Variants in LTBP3 observed in about 807,000 individuals in gnomAD.
LTBP3 encodes latent transforming growth factor beta binding protein 3.
Under a neutral mutation model 159.7 loss-of-function variants are expected in LTBP3, and 97 were observed. The ratio of observed to expected loss-of-function variants is 0.61; its 90% confidence interval spans 0.52 to 0.72. The LOEUF (loss-of-function observed/expected upper bound fraction) is 0.72, where lower values mean the gene tolerates loss of function less well. Ranked by LOEUF, LTBP3 falls within the 30% of genes least tolerant of loss-of-function variation. The pLI is 0.00. For synonymous variants in LTBP3, 824 were observed against 777.1 expected, an observed-to-expected ratio of 1.06 and a Z score of -1.00; for missense variants, 1,584 against 1,864.3, an observed-to-expected ratio of 0.85 and a Z score of 2.77.
rs1018509969 is a variant in LTBP3 at position 65,543,021 on chromosome 11, A to G, written c.2596+84T>C. The G allele has an allele frequency of 2.5e-6, 4 of 1,570,186 alleles. No individual in the cohort carries two copies. The African/African-American group carries it at 4.1e-5, about 16-fold the overall frequency. On this transcript the variant is annotated intron_variant, in intron 18 of 27. Coordinates refer to ENST00000301873, the MANE Select transcript of LTBP3 (RefSeq NM_001130144.3). ...GAAGGATGGTTGGATGGGTGGATGGATGGATGGAGAAAGGCCACAGTGTGT... is the reference window on the plus strand; with the variant it reads ...GAAGGATGGTTGGATGGGTGGATGGGTGGATGGAGAAAGGCCACAGTGTGT...
chr11:65,556,493 A>G (rs1359211611), intron 1 of LTBP3, among the ~76,000 whole-genome samples: 1 of 152,154 alleles, frequency 6.6e-6, no homozygotes, highest in Non-Finnish European at 1.5e-5. Flanking sequence ...GCGCCATTGC[A>G]CTCCAGCCTG....
chr11:65,546,770 C>G lies in LTBP3; in HGVS notation c.2230+28G>C. The G allele has an allele frequency of 3.1e-6, 5 of 1,588,832 alleles. No homozygotes were observed. In the South Asian group the frequency reaches 4.4e-5, roughly 14 times the overall value. The stretch of plus-strand genomic sequence containing the variant: ...CTGGGGGAGGCACCTGACGGCCCCA[C>G]CCACTCGGCTCCGGGCCCCGCCCTC... On this transcript the variant is annotated intron_variant, in intron 15 of 27. Coordinates refer to ENST00000301873, the MANE Select transcript of LTBP3 (RefSeq NM_001130144.3). The surrounding 1 kb of genome is among the most constrained non-coding windows in gnomAD (Gnocchi z 4.0).
At chr11:65,541,326 C>T (rs1017500227) in intron 19 of LTBP3, 33 bp from the exon 20 acceptor site, 3 of 1,603,568 alleles carry the variant, frequency 1.9e-6, no homozygotes, top group Non-Finnish European at 2.5e-6. Context: ...GGGTTGTGCA[C>T]AGACCCCCCT....
chr11:65,551,558 G>A lies in LTBP3; in HGVS notation c.1538C>T (p.Thr513Ile), dbSNP rs1316389194. ...GGTTCTCATACTCACTGAGTCCGTGGTCACCCCTAAAAGGGAAGAAGATGG... is the reference window on the plus strand; with the variant it reads ...GGTTCTCATACTCACTGAGTCCGTGATCACCCCTAAAAGGGAAGAAGATGG... ...PEDTEEERGV[T>I]TDSPVSEERS... is the part of the protein sequence containing the mutation. Residue 513 changes from threonine (T) to isoleucine (I), a missense_variant, in exon 9 of 28, where the codon ACC becomes ATC. By Grantham distance (89) the Thr-to-Ile change is moderately conservative. Transcript: ENST00000301873. The A allele has an allele frequency of 1.2e-6, 2 of 1,614,000 alleles. No individual in the cohort carries two copies. Among genetic ancestry groups the A allele is most frequent in the South Asian group, 2.2e-5 (2 of 91,082 alleles).
intron 11 of LTBP3, among the ~76,000 whole-genome samples, chr11:65,549,567 C>CTTTTTTTT (rs748132211): frequency 2.2e-3 from 145 of 64,752 alleles, no homozygotes; most frequent in Middle Eastern, 0.038. Context: ...CCCAGCTAAT[C>CTTTTTTTT]TTTTTTTTTT....
chr11:65,540,618 C>G lies in LTBP3; in HGVS notation c.2978-4G>C, dbSNP rs1565089051. On this transcript the variant is annotated splice_polypyrimidine_tract_variant and splice_region_variant and intron_variant, in intron 21 of 27. Transcript: ENST00000301873. ...AACAACATGCACTCGTCGATGTCTG[C>G]GGGGTGACAAACACTGGCCGCTCCG... The G allele has an allele frequency of 8.1e-6, 13 of 1,598,482 alleles. No homozygotes were observed. In the South Asian group the frequency reaches 1.4e-4, roughly 18 times the overall value.
chr11:65,549,506 G>A (rs924133898), intron 11 of LTBP3, among the ~76,000 whole-genome samples: 1 of 149,600 alleles, frequency 6.7e-6, no homozygotes, highest in Non-Finnish European at 1.5e-5. Context: ...CTATCTCCCA[G>A]GTTCAAGTGA....
intron 1 of LTBP3, among the ~76,000 whole-genome samples, chr11:65,555,724 T>C (rs1302116994): frequency 6.6e-6 from 1 of 152,190 alleles, no homozygotes; most frequent in African/African-American, 2.4e-5. Flanking sequence ...CTTCAACCTG[T>C]GCTACTACCA....
chr11:65,555,236 C>G (rs956484283), intron 1 of LTBP3, among the ~76,000 whole-genome samples: 3 of 152,190 alleles, frequency 2.0e-5, no homozygotes, highest in Non-Finnish European at 4.4e-5. Context: ...TCTCAGTGTC[C>G]CAGAGAAACC....
Position 65,547,470 on chromosome 11 carries a change from C to T in LTBP3, c.2076G>A (p.Arg692=), listed in dbSNP as rs1201147520. The change falls in exon 14 of 28, where the codon CGG becomes CGA. Residue 692 remains arginine (R), a synonymous_variant. Coordinates refer to ENST00000301873, the MANE Select transcript of LTBP3 (RefSeq NM_001130144.3). The surrounding 1 kb of genome is among the most constrained non-coding windows in gnomAD (Gnocchi z 4.6). ...ACACAGGAGGCCGGGAGGCTTTGAG[C>T]CGGTAGCCGGGGTAGCAGTTGCACT... is the stretch of plus-strand genomic sequence containing the variant. ...HYKCNCYPGY[R]LKASRPPVCE... 6.2e-7 allele frequency: 1 copy of T among 1,613,916 alleles called. No individual in the cohort carries two copies. Among genetic ancestry groups the T allele is most frequent in the African/African-American group, 1.3e-5 (1 of 74,936 alleles).
At position 65,553,208 on chromosome 11, in the gene LTBP3, T is replaced by C. The variant is rs1219672249; in HGVS notation, c.1019A>G (p.Asp340Gly). Residue 340 changes from aspartate to glycine, a missense_variant, in exon 5 of 28, where the codon GAC (aspartate) becomes GGC (glycine). By Grantham distance (94) the Asp-to-Gly change is moderately conservative. This residue lies in a region of LTBP3 where 156 missense variants were observed against 259.7 expected (regional missense o/e 0.60). Transcript: ENST00000301873. The surrounding 1 kb of genome is among the most constrained non-coding windows in gnomAD (Gnocchi z 6.5). ...AAGCCTCTTGTAGCCCTGGGGACAG[T>C]CAGCGCCCACTTCCCCACGTACAGG... ...PGPVRGEVGA[D>G]CPQGYKRLNS... 6.2e-7 allele frequency: 1 copy of C among 1,614,120 alleles called. No homozygotes were observed. The highest frequency in any genetic ancestry group is 1.7e-5 in the Admixed American group (1 of 60,022).
chr11:65,540,757 T>TGCGG, intron 21 of LTBP3, 114 bp downstream of exon 21: 1 of 1,089,868 alleles, frequency 9.2e-7, no homozygotes, highest in Non-Finnish European at 1.2e-6. Context: ...GCGAGGAAGG[T>TGCGG]GCGGGCGGGG....
Position 65,553,107 on chromosome 11 carries a change from C to A in LTBP3, c.1063+57G>T. ...CTCGCCCACCTTGGGACCCTCCCCA[C>A]CCCCAGTGATGGCTGGCCTGCCCCT... On this transcript the variant is annotated intron_variant, in intron 5 of 27. Transcript: ENST00000301873. This position sits in a 1 kb window ranked among gnomAD's most constrained non-coding sequence, Gnocchi z 6.5. The A allele has an allele frequency of 2.5e-6, 4 of 1,604,316 alleles. No individual in the cohort carries two copies. The highest frequency in any genetic ancestry group is 1.3e-5 in the African/African-American group (1 of 74,806).
In LTBP3 at chr11:65,539,374, C is replaced by G; in HGVS notation, c.3714G>C (p.Glu1238Asp). 6.5e-7 allele frequency: 1 copy of G among 1,542,786 alleles called. No homozygotes were observed. Among genetic ancestry groups the G allele is most frequent in the Non-Finnish European group, 8.7e-7 (1 of 1,142,870 alleles). The stretch of plus-strand genomic sequence containing the variant: ...CGTCGAGCTGGAAGCCGCCGGGACA[C>G]TCGCACACGGCGCCGCCCGGCCGCG... The part of the protein sequence containing the change: ...CVPRPGGAVC[E>D]CPGGFQLDAS... Residue 1238 changes from glutamate to aspartate, a missense_variant, in exon 27 of 28, where the codon GAG (glutamate) becomes GAC (aspartate). This residue lies in a region of LTBP3 where 514 missense variants were observed against 530.3 expected (regional missense o/e 0.97). Transcript: ENST00000301873.
intron 8 of LTBP3, 188 bp downstream of exon 8, chr11:65,551,784 C>T (rs926730036): frequency 2.2e-6 from 2 of 912,254 alleles, no homozygotes; most frequent in Non-Finnish European, 1.8e-6. Context: ...CTGTAGAAGG[C>T]TTAGGAGGTT....
chr11:65,543,181 G>A lies in LTBP3; in HGVS notation c.2520C>T (p.Asp840=), dbSNP rs550465637. The A allele has an allele frequency of 6.2e-7, 1 of 1,614,124 alleles. No homozygotes were observed. The highest frequency in any genetic ancestry group is 2.2e-5 in the East Asian group (1 of 44,890). The change falls in exon 18 of 28, where the codon GAC becomes GAT. Residue 840 remains aspartate (D), a synonymous_variant. Coordinates refer to ENST00000301873, the MANE Select transcript of LTBP3 (RefSeq NM_001130144.3). ...TGTAGGAGCCATTGGTATTGATGCAGTCACCCCCAATGCAGGCTGCAGGGA... is the reference window on the plus strand; with the variant it reads ...TGTAGGAGCCATTGGTATTGATGCAATCACCCCCAATGCAGGCTGCAGGGA... ...CDFPAACIGG[D]CINTNGSYRC...
In LTBP3 at chr11:65,542,972, G is replaced by GGATGGATA. The variant is rs1491160099; in HGVS notation, c.2596+132_2596+133insTATCCATC. 2.8e-6 allele frequency: 3 copies of GGATGGATA among 1,088,820 alleles called. No individual in the cohort carries two copies. In the South Asian group the frequency reaches 3.8e-5, roughly 14 times the overall value. The allele number at this position is 1,088,820 out of a possible 1,614,324, so 67.4% of individuals were successfully genotyped here. ...TGGATGGATGGATGGATGGATGGAT[G>GGATGGATA]GATAGATGGATGGATGGATGGATGA... On this transcript the variant is annotated intron_variant, in intron 18 of 27. Transcript: ENST00000301873.
At position 65,554,951 on chromosome 11, in the gene LTBP3, C is replaced by T. The variant is rs963695650; in HGVS notation, c.332-571G>A. On this transcript the variant is annotated intron_variant, in intron 1 of 27. Transcript: ENST00000301873. This position sits in a 1 kb window ranked among gnomAD's most constrained non-coding sequence, Gnocchi z 5.3. ...TCCACATCTCAAGACACAGACACAG[C>T]CCCCAGCCTTTCCAGGGCTCTCTCA... Among the ~76,000 whole-genome samples, 1 of 152,090 alleles carries T rather than the reference C, an allele frequency of 6.6e-6. No individual in the cohort carries two copies. Among genetic ancestry groups the T allele is most frequent in the African/African-American group, 2.4e-5 (1 of 41,404 alleles).
At chr11:65,555,245 C>G (rs1856767077) in intron 1 of LTBP3, among the ~76,000 whole-genome samples, 1 of 152,194 alleles carries the variant, frequency 6.6e-6, no homozygotes, top group South Asian at 2.1e-4. Flanking sequence ...CCCAGAGAAA[C>G]CTGCCTCAGG....
Sources: allele counts gnomAD v4.1 joint callset (sites outside exome capture counted in the v4.1 genomes callset), GRCh38; gene constraint gnomAD v4.1.1; regional missense constraint gnomAD v4.1.1; non-coding constraint Gnocchi (gnomAD v3.1); transcripts MANE v1.5; gene names NCBI Gene and HGNC (gene_info 2026-07-23, HGNC 2026-07-21).